Variants in SOAT1 observed in about 807,000 individuals in gnomAD.
SOAT1 encodes acyl-coenzyme A:cholesterol acyltransferase 1.
SOAT1 carries 55 observed loss-of-function variants against 69.5 expected under a neutral mutation model. The ratio of observed to expected loss-of-function variants is 0.79; its 90% CI spans 0.64 to 0.99. SOAT1 has a LOEUF of 0.99. Ranked by LOEUF, SOAT1 falls within the 50% of genes least tolerant of loss-of-function variation. SOAT1 has a pLI of 0.00. For synonymous variants in SOAT1, 231 were observed against 224.7 expected (o/e 1.03, Z -0.25); for missense variants, 580 against 669.3 (o/e 0.87, Z 1.47).
chr1:179,304,774 G>T (rs532835431), intron 2 of SOAT1, among the ~76,000 whole-genome samples: 1 of 151,718 alleles, frequency 6.6e-6, no homozygotes, highest in Non-Finnish European at 1.5e-5. Context: ...TCACCCTCCC[G>T]AGTAGCTGGG....
At chr1:179,349,346 T>TTTTTA (rs57282322) in intron 13 of SOAT1, among the ~76,000 whole-genome samples, 14 of 146,604 alleles carry the variant, frequency 9.5e-5, no homozygotes, top group Admixed American at 2.7e-4. Context: ...TTTTTTTTTT[T>TTTTTA]GAGAGAGTTT....
intron 2 of SOAT1, among the ~76,000 whole-genome samples, chr1:179,318,462 G>A (rs559726959): frequency 1.3e-5 from 2 of 152,194 alleles, no homozygotes; most frequent in Non-Finnish European, 2.9e-5. Context: ...GAATACCGCC[G>A]TTAGTCAGGT....
At chr1:179,343,144 T>C (rs530664027) in intron 9 of SOAT1, among the ~76,000 whole-genome samples, 21 of 152,314 alleles carry the variant, frequency 1.4e-4, no homozygotes, top group Non-Finnish European at 1.3e-4. Flanking sequence ...AATTATAAAG[T>C]ATTTCATATG....
intron 1 of SOAT1, among the ~76,000 whole-genome samples, chr1:179,300,547 G>A (rs1272794431): frequency 1.3e-5 from 2 of 152,108 alleles, no homozygotes; most frequent in African/African-American, 4.8e-5. Flanking sequence ...GAAGAAAGCC[G>A]ATCTAGATTT....
In SOAT1 at chr1:179,293,813, C is replaced by G. The variant is rs1457976914; in HGVS notation, c.-132C>G. The G allele has an allele frequency of 6.6e-6, 1 of 152,418 alleles. No individual in the cohort carries two copies. The highest frequency in any genetic ancestry group is 1.5e-5 in the Non-Finnish European group (1 of 68,194). 9.4% of individuals were successfully genotyped at this position (152,418 alleles called of 1,614,324 possible). On this transcript the variant is annotated 5_prime_UTR_variant, in exon 1 of 16. Coordinates refer to ENST00000367619, the MANE Select transcript of SOAT1 (RefSeq NM_003101.6). ...CTGTCCGGCGCTTTAGCTTAGCAGGCGACGTTGCGGGCCCTGGGCGCCAGG... is the reference window on the plus strand; with the variant it reads ...CTGTCCGGCGCTTTAGCTTAGCAGGGGACGTTGCGGGCCCTGGGCGCCAGG...
intron 2 of SOAT1, among the ~76,000 whole-genome samples, chr1:179,305,601 G>C (rs1664977047): frequency 6.6e-6 from 1 of 152,190 alleles, no homozygotes; most frequent in African/African-American, 2.4e-5. Context: ...ATATACGTAA[G>C]AGTTGAGTTG....
chr1:179,341,071 T>C lies in SOAT1; in HGVS notation c.541T>C (p.Phe181Leu). The C allele has an allele frequency of 6.2e-7, 1 of 1,614,164 alleles. No individual in the cohort carries two copies. Among genetic ancestry groups the C allele is most frequent in the East Asian group, 2.2e-5 (1 of 44,882 alleles). ...CCTCCTGTCTTATGCTTTTGGCAAA[T>C]TTCCTACCGTTGTTTGGACCTGGTG... is the stretch of plus-strand genomic sequence containing the variant. ...FSLLSYAFGK[F>L]PTVVWTWWIM... The change falls in exon 7 of 16, where the codon TTT (phenylalanine) becomes CTT (leucine). Residue 181 changes from phenylalanine (F) to leucine (L), a missense_variant. Phe to Leu is a conservative substitution (Grantham distance 22). Transcript: ENST00000367619.
At position 179,350,400 on chromosome 1, in the gene SOAT1, C is replaced by A; in HGVS notation, c.1419C>A (p.Pro473=). 5 of 1,613,928 alleles carry A rather than the reference C, an allele frequency of 3.1e-6. No individual in the cohort carries two copies. Among genetic ancestry groups the A allele is most frequent in the Non-Finnish European group, 4.2e-6 (5 of 1,179,940 alleles). ...ALAVCLSFFY[P]VLFVLFMFFG... ...CTGTTTGCTTGAGCTTTTTCTATCC[C>A]GTGCTCTTCGTGCTCTTCATGTTCT... The change falls in exon 14 of 16, where the codon CCC becomes CCA. Residue 473 remains proline (P), a synonymous_variant. Transcript: ENST00000367619.
intron 5 of SOAT1, among the ~76,000 whole-genome samples, chr1:179,338,720 T>G (rs1470001997): frequency 6.6e-6 from 1 of 152,104 alleles, no homozygotes; most frequent in Non-Finnish European, 1.5e-5. Flanking sequence ...ATGATAGAAT[T>G]TATACATGAA....
chr1:179,312,182 C>G (rs764887011), intron 2 of SOAT1, among the ~76,000 whole-genome samples: 2 of 152,156 alleles, frequency 1.3e-5, no homozygotes, highest in Non-Finnish European at 2.9e-5. Context: ...TCATTGCTGG[C>G]CTGCCTAAGG....
intron 2 of SOAT1, among the ~76,000 whole-genome samples, chr1:179,311,208 T>TA (rs1033698626): frequency 1.4e-4 from 21 of 151,794 alleles, no homozygotes; most frequent in African/African-American, 3.4e-4. Flanking sequence ...TTTACAAAAG[T>TA]AAAAAAAGTT....
intron 15 of SOAT1, among the ~76,000 whole-genome samples, chr1:179,352,704 A>G (rs183152268): frequency 6.2e-4 from 87 of 140,314 alleles, no homozygotes; most frequent in South Asian, 4.0e-3. Flanking sequence ...TTTCCTGGGT[A>G]TTTCTCATAG....
chr1:179,322,428 G>C (rs561303314), intron 2 of SOAT1, among the ~76,000 whole-genome samples: 1 of 151,616 alleles, frequency 6.6e-6, no homozygotes, highest in South Asian at 2.1e-4. Flanking sequence ...TGTCATCCAG[G>C]CTGGCGTGCA....
rs1160647132 is a variant in SOAT1, at chr1:179,344,356, T to G, written c.988-591T>G. Among the ~76,000 whole-genome samples, 6 of 3,620 alleles carry G rather than the reference T, an allele frequency of 1.7e-3. 1 individual carries two copies. The highest frequency in any genetic ancestry group is 7.3e-3 in the Admixed American group (2 of 274). The allele number at this position is 3,620 out of a possible 152,430, so 2.4% of individuals were successfully genotyped here. A position where few individuals can be genotyped will look rare whatever the true frequency, so the allele number is the denominator to read the frequency against. On this transcript the variant is annotated intron_variant, in intron 10 of 15. Transcript: ENST00000367619. The stretch of plus-strand genomic sequence containing the variant: ...AAGTAAGTTCTTTCATTAAGGGGTT[T>G]TTTTTTTTTTTTTTTTTTTTTTTTT...
chr1:179,309,031 A>G (rs1354519178), intron 2 of SOAT1, among the ~76,000 whole-genome samples: 4 of 152,208 alleles, frequency 2.6e-5, no homozygotes, highest in Non-Finnish European at 5.9e-5. Flanking sequence ...AAGCAGTGCT[A>G]CAGAGAGCAT....
intron 1 of SOAT1, among the ~76,000 whole-genome samples, chr1:179,299,832 C>T (rs1664773924): frequency 7.3e-6 from 1 of 136,762 alleles, no homozygotes; most frequent in Admixed American, 8.5e-5. Flanking sequence ...CAGCTCACTG[C>T]AAGCTCCGCC....
At chr1:179,306,925 G>A (rs1665027960) in intron 2 of SOAT1, among the ~76,000 whole-genome samples, 1 of 150,138 alleles carries the variant, frequency 6.7e-6, no homozygotes, top group Non-Finnish European at 1.5e-5. Flanking sequence ...AAATAATAAA[G>A]ACATTTCCTT....
chr1:179,332,920 A>G (rs761430713), intron 3 of SOAT1, among the ~76,000 whole-genome samples: 23 of 143,362 alleles, frequency 1.6e-4, no homozygotes, highest in Middle Eastern at 3.5e-3. Flanking sequence ...AGGAAATGTA[A>G]GCGTCCACAG....
chr1:179,302,655 C>T (rs781757388), intron 1 of SOAT1, 22 bp from the exon 2 acceptor site: 2 of 1,521,574 alleles, frequency 1.3e-6, no homozygotes, highest in Admixed American at 4.2e-5. Context: ...AATACGAAAG[C>T]TTTTTACACC....
Sources: gnomAD v4.1 joint callset for allele counts (sites outside exome capture counted in the v4.1 genomes callset) on GRCh38, gnomAD v4.1.1 for gene constraint, MANE v1.5 for transcripts, NCBI Gene and HGNC (gene_info 2026-07-23, HGNC 2026-07-21) for gene names.